TNRC6B: variants seen among roughly 807,000 people sequenced by gnomAD.
TNRC6B encodes the protein trinucleotide repeat-containing gene 6B protein.
A neutral mutation model predicts 203.6 loss-of-function variants in TNRC6B; 52 were observed. The ratio of observed to expected loss-of-function variants is 0.26; its 90% confidence interval spans 0.20 to 0.32. TNRC6B has a LOEUF of 0.32. Among genes scored for constraint, TNRC6B ranks in the 10% least tolerant of loss-of-function variants. TNRC6B has a pLI of 1.00. For synonymous variants in TNRC6B, 838 were observed against 845.7 expected, an observed-to-expected ratio of 0.99 and a Z score of 0.16; for missense variants, 1,923 against 2,286.2, an observed-to-expected ratio of 0.84 and a Z score of 3.24.
At chr22:40,101,527 C>T (rs774432662) in intron 1 of TNRC6B, among the ~76,000 whole-genome samples, 3 of 152,136 alleles carry the variant, frequency 2.0e-5, no homozygotes, top group Non-Finnish European at 4.4e-5. Context: ...TTTTAGATTA[C>T]TCTAATGGTC....
chr22:40,220,107 G>A (rs984299852), intron 1 of TNRC6B, among the ~76,000 whole-genome samples: 2 of 152,202 alleles, frequency 1.3e-5, no homozygotes, highest in Non-Finnish European at 1.5e-5. Context: ...TGCGGTAGTA[G>A]GTGGGGGTGG....
At chr22:40,113,398 A>G (rs2068358287) in intron 1 of TNRC6B, among the ~76,000 whole-genome samples, 1 of 152,192 alleles carries the variant, frequency 6.6e-6, no homozygotes, top group South Asian at 2.1e-4. Context: ...TCTGTTGCCC[A>G]GACTGGAGTG....
At chr22:40,299,629 G>T (rs899556112) in intron 12 of TNRC6B, among the ~76,000 whole-genome samples, 1 of 152,142 alleles carries the variant, frequency 6.6e-6, no homozygotes, top group Non-Finnish European at 1.5e-5. Flanking sequence ...GCACAAGCTA[G>T]TCCCCCAAAC....
At chr22:40,096,007 C>A (rs2068183672) in intron 1 of TNRC6B, among the ~76,000 whole-genome samples, 1 of 152,110 alleles carries the variant, frequency 6.6e-6, no homozygotes, top group Non-Finnish European at 1.5e-5. Context: ...CTCTGTACCC[C>A]TCCTATCCGC....
chr22:40,221,464 A>G (rs2069707251), intron 1 of TNRC6B, among the ~76,000 whole-genome samples: 2 of 152,080 alleles, frequency 1.3e-5, no homozygotes, highest in African/African-American at 2.4e-5. Flanking sequence ...TTTTGAGACA[A>G]GATCTTGCTT....
chr22:40,309,496 C>G (rs1352890998), intron 16 of TNRC6B, among the ~76,000 whole-genome samples: 2 of 152,196 alleles, frequency 1.3e-5, no homozygotes, highest in African/African-American at 2.4e-5. Flanking sequence ...CCTGCCATCC[C>G]TAAGCATTAT....
intron 1 of TNRC6B, among the ~76,000 whole-genome samples, chr22:40,053,234 G>A (rs1036314419): frequency 4.6e-5 from 7 of 151,740 alleles, no homozygotes; most frequent in African/African-American, 1.5e-4. Context: ...AAGTTTGACA[G>A]TTTTAATAAG....
chr22:40,146,742 T>C (rs745590969), intron 3 of TNRC6B, among the ~76,000 whole-genome samples: 2 of 152,060 alleles, frequency 1.3e-5, no homozygotes, highest in Non-Finnish European at 2.9e-5. Flanking sequence ...TGTGTGTGTT[T>C]GTAGTAGAGA....
intron 1 of TNRC6B, among the ~76,000 whole-genome samples, chr22:40,205,461 T>C (rs897130680): frequency 6.6e-6 from 1 of 152,144 alleles, no homozygotes; most frequent in African/African-American, 2.4e-5. Context: ...TTACTGAAAA[T>C]CACTAGAATG....
At chr22:40,212,294 C>T (rs1470414172) in intron 1 of TNRC6B, among the ~76,000 whole-genome samples, 1 of 152,232 alleles carries the variant, frequency 6.6e-6, no homozygotes, top group Non-Finnish European at 1.5e-5. Flanking sequence ...TGGACCCTGT[C>T]AGACATGCCC....
At chr22:40,190,006 C>T (rs540068593) in intron 1 of TNRC6B, among the ~76,000 whole-genome samples, 1 of 152,066 alleles carries the variant, frequency 6.6e-6, no homozygotes, top group South Asian at 2.1e-4. Flanking sequence ...TTTCCTTTTT[C>T]CCACAGATCA....
At chr22:40,053,358 G>A (rs1427499977) in intron 1 of TNRC6B, among the ~76,000 whole-genome samples, 2 of 152,130 alleles carry the variant, frequency 1.3e-5, no homozygotes, top group Non-Finnish European at 2.9e-5. Context: ...TTCGGGCAGA[G>A]TTGGAGAGTC....
intron 1 of TNRC6B, among the ~76,000 whole-genome samples, chr22:40,083,456 A>G (rs2068077060): frequency 6.6e-6 from 1 of 152,206 alleles, no homozygotes; most frequent in Non-Finnish European, 1.5e-5. Context: ...AGGAGGTGAG[A>G]AAGTATGAGA....
At chr22:40,246,146 C>T (rs1247955292) in intron 2 of TNRC6B, 44 bp downstream of exon 2, 1 of 1,411,604 alleles carries the variant, frequency 7.1e-7, no homozygotes, top group Non-Finnish European at 9.6e-7. Context: ...TGCTAGGCAT[C>T]CAGCATCCAG....
intron 1 of TNRC6B, among the ~76,000 whole-genome samples, chr22:40,206,572 A>C (rs1417435672): frequency 1.3e-5 from 2 of 152,202 alleles, no homozygotes; most frequent in Non-Finnish European, 2.9e-5. Flanking sequence ...TTTTTTTCTG[A>C]AACTTGATAA....
intron 1 of TNRC6B, among the ~76,000 whole-genome samples, chr22:40,223,705 C>G (rs1287946264): frequency 2.0e-5 from 3 of 152,192 alleles, no homozygotes; most frequent in Non-Finnish European, 4.4e-5. Flanking sequence ...TTTGCCGTTA[C>G]AAACATATTT....
rs1182753618 is a variant in TNRC6B, at chr22:40,264,808, A to G, written c.578A>G (p.Asp193Gly). The part of the protein sequence containing the change: ...PIHIWDKVIV[D>G]GSDMEEWPCI... ...CACATCTGGGACAAGGTGATTGTAG[A>G]CGGGTCTGACATGGAAGAGTGGCCT... Residue 193 changes from aspartate to glycine, a missense_variant, in exon 5 of 23, where the codon GAC becomes GGC. This residue lies in a region of TNRC6B where 614 missense variants were observed against 587.7 expected (regional missense o/e 1.04). Coordinates refer to ENST00000454349, the MANE Select transcript of TNRC6B (RefSeq NM_001162501.2). 6.2e-7 allele frequency: 1 copy of G among 1,613,848 alleles called. No homozygotes were observed. The highest frequency in any genetic ancestry group is 2.2e-5 in the East Asian group (1 of 44,894).
chr22:40,179,378 T>A (rs1001904028), intron 1 of TNRC6B, among the ~76,000 whole-genome samples: 2 of 152,180 alleles, frequency 1.3e-5, no homozygotes, highest in African/African-American at 4.8e-5. Flanking sequence ...AGCACATCCC[T>A]GGCTCTGAGA....
At chr22:40,122,151 T>G (rs553107136) in intron 2 of TNRC6B, among the ~76,000 whole-genome samples, 19 of 152,354 alleles carry the variant, frequency 1.2e-4, no homozygotes, top group Non-Finnish European at 2.8e-4. Context: ...TTCCCTTGAC[T>G]GGGCTCTCTA....
Sources: gnomAD v4.1 joint callset for allele counts (sites outside exome capture counted in the v4.1 genomes callset) on GRCh38, gnomAD v4.1.1 for gene constraint, gnomAD v4.1.1 regional missense constraint, MANE v1.5 for transcripts, NCBI Gene and HGNC (gene_info 2026-07-23, HGNC 2026-07-21) for gene names.